Variants in BFSP1 observed in about 807,000 individuals in gnomAD.
The protein encoded by BFSP1 is beaded filament structural protein 1, also known as filensin.
A neutral mutation model predicts 43.9 loss-of-function variants in BFSP1; 38 were observed. The observed-to-expected ratio is 0.87, with a 90% CI of 0.67 to 1.14. BFSP1 has a LOEUF of 1.14. Among genes scored for constraint, BFSP1 ranks in the 50% most tolerant of loss-of-function variants. The probability of loss-of-function intolerance (pLI) is 0.00; values close to 1 mark genes in which losing one functional copy is unlikely to be tolerated. For missense variants in BFSP1, 850 were observed against 875.1 expected (o/e 0.97, Z 0.36); for synonymous variants, 352 against 354.8 (o/e 0.99, Z 0.09).
intron 1 of BFSP1, among the ~76,000 whole-genome samples, chr20:17,554,211 A>G (rs149567663): frequency 6.6e-6 from 1 of 152,270 alleles, no homozygotes; most frequent in African/African-American, 2.4e-5. Context: ...CTGGTTTCTC[A>G]GGCCAATACT....
rs758608452 is a variant in BFSP1 at position 17,494,130 on chromosome 20, T to G, written c.1942A>C (p.Thr648Pro). The G allele has an allele frequency of 1.9e-6, 3 of 1,614,006 alleles. No individual in the cohort carries two copies. The African/African-American group carries it at 4.0e-5, about 22-fold the overall frequency. Residue 648 changes from threonine to proline, a missense_variant, in exon 8 of 8, where the codon ACC becomes CCC. Thr to Pro is a conservative substitution (Grantham distance 38). Transcript: ENST00000377873. ...TCTGACTTTGTCTTTCCAATCATGG[T>G]CTCCACGATCACAGCGGTTTCTTCA... Reference protein sequence around the residue: ...TYEETAVIVETMIGKTKSDKK... With the variant: ...TYEETAVIVEPMIGKTKSDKK...
At chr20:17,504,335 AGAAG>A (rs574408940) in intron 5 of BFSP1, among the ~76,000 whole-genome samples, 299 of 152,304 alleles carry the variant, frequency 2.0e-3, no homozygotes, top group African/African-American at 6.9e-3. Context: ...ACCTTTCATC[AGAAG>A]GAAGAGTGTT....
chr20:17,531,421 G>C (rs1464516837), upstream of BFSP1: 1 of 1,251,112 alleles, frequency 8.0e-7, no homozygotes, highest in East Asian at 3.5e-5. Flanking sequence ...AACACCGGAG[G>C]CCCCCGGCGC....
chr20:17,510,036 CA>C (rs2034039342), intron 4 of BFSP1, among the ~76,000 whole-genome samples: 2 of 152,186 alleles, frequency 1.3e-5, no homozygotes, highest in Non-Finnish European at 2.9e-5. Context: ...GTGGCTGCAG[CA>C]ATGACATAGA....
intron 1 of BFSP1, among the ~76,000 whole-genome samples, chr20:17,553,624 G>T (rs1361990018): frequency 5.9e-5 from 9 of 151,588 alleles, no homozygotes; most frequent in Non-Finnish European, 1.2e-4. Context: ...AAATCATACA[G>T]AACAGAAAGA....
intron 1 of BFSP1, among the ~76,000 whole-genome samples, chr20:17,552,631 G>T (rs1007501740): frequency 1.3e-5 from 2 of 152,156 alleles, no homozygotes; most frequent in Non-Finnish European, 2.9e-5. Flanking sequence ...TTAGACCAGG[G>T]TGATAGCAAT....
chr20:17,556,225 G>A (rs1215074706), intron 1 of BFSP1, among the ~76,000 whole-genome samples: 4 of 152,068 alleles, frequency 2.6e-5, no homozygotes, highest in South Asian at 2.1e-4. Flanking sequence ...ATCATCAGCC[G>A]GGTGCAGTGG....
intron 2 of BFSP1, among the ~76,000 whole-genome samples, chr20:17,519,691 C>A (rs1281388569): frequency 6.6e-6 from 1 of 152,184 alleles, no homozygotes; most frequent in African/African-American, 2.4e-5. Flanking sequence ...TTTATAACTG[C>A]TCATAGTGAT....
At chr20:17,564,257 C>T (rs2035095819) in intron 1 of BFSP1, among the ~76,000 whole-genome samples, 1 of 151,520 alleles carries the variant, frequency 6.6e-6, no homozygotes, top group Non-Finnish European at 1.5e-5. Context: ...GTCCCAGCTA[C>T]TCAAGAGGCT....
intron 2 of BFSP1, among the ~76,000 whole-genome samples, chr20:17,521,920 C>T (rs1332306797): frequency 1.3e-5 from 2 of 152,184 alleles, no homozygotes; most frequent in African/African-American, 4.8e-5. Flanking sequence ...AACTTATCCA[C>T]CTATCCCAGT....
chr20:17,545,354 A>G (rs2034782785), intron 1 of BFSP1, among the ~76,000 whole-genome samples: 1 of 152,078 alleles, frequency 6.6e-6, no homozygotes, highest in African/African-American at 2.4e-5. Flanking sequence ...TGGTCTGGCC[A>G]GCATCAACAA....
intron 1 of BFSP1, among the ~76,000 whole-genome samples, chr20:17,549,374 G>C (rs1041607925): frequency 6.6e-6 from 1 of 152,144 alleles, no homozygotes; most frequent in African/African-American, 2.4e-5. Context: ...TCTGCTTCTG[G>C]GGAAGCCTCA....
chr20:17,567,071 C>T (rs150053063), intron 1 of BFSP1, among the ~76,000 whole-genome samples: 1 of 151,960 alleles, frequency 6.6e-6, no homozygotes, highest in Non-Finnish European at 1.5e-5. Context: ...TTTCAGCTTC[C>T]GGAGGGCATA....
At chr20:17,532,444 TTTTC>T (rs1428622309), upstream of BFSP1, among the ~76,000 whole-genome samples, 2 of 151,728 alleles carry the variant, frequency 1.3e-5, no homozygotes, top group Non-Finnish European at 2.9e-5. Flanking sequence ...AAGATTGCTT[TTTTC>T]TTTTTCTTTT....
At chr20:17,563,885 T>TAAAAA (rs998399781), upstream of BFSP1, among the ~76,000 whole-genome samples, 4 of 90,786 alleles carry the variant, frequency 4.4e-5, no homozygotes, top group African/African-American at 1.2e-4. Context: ...AGACCGTGTC[T>TAAAAA]AAAAAAAAAA....
At position 17,558,523 on chromosome 20, in the gene BFSP1, A is replaced by G. The variant is rs6044883; in HGVS notation, c.2+165T>C. The stretch of plus-strand genomic sequence containing the variant: ...TGAGTGTGTCTTATGTCAGACTACT[A>G]CTGAGCCAATATTTATCATTTTAGA... On this transcript the variant is annotated intron_variant, in intron 1 of 7. Coordinates refer to the BFSP1 transcript ENST00000377868. 0.99 allele frequency among the ~76,000 whole-genome samples: 151,568 copies of G among 152,368 alleles called. 75,390 individuals carry two copies. The highest frequency in any genetic ancestry group is 1 in the Middle Eastern group (294 of 294).
chr20:17,531,381 C>T (rs767310600), upstream of BFSP1: 3 of 1,293,436 alleles, frequency 2.3e-6, no homozygotes, highest in Non-Finnish European at 2.9e-6. Context: ...CTCCAGGAGG[C>T]CCCCGGCGCA....
intron 2 of BFSP1, among the ~76,000 whole-genome samples, chr20:17,520,764 G>A (rs758177276): frequency 2.0e-5 from 3 of 151,994 alleles, no homozygotes; most frequent in African/African-American, 4.8e-5. Context: ...TCTCTTCTCC[G>A]GAAGTTCATT....
In BFSP1 at chr20:17,509,010, G is replaced by A. The variant is rs371422573; in HGVS notation, c.628-14C>T. On this transcript the variant is annotated splice_polypyrimidine_tract_variant and intron_variant, in intron 4 of 7. Transcript: ENST00000377873. ...CAGGAGCTTCTCCTGCACAGAGAAG[G>A]CCAGAGTCAGACTCATGGGACATGC... is the stretch of plus-strand genomic sequence containing the variant. 47 of 1,539,904 alleles carry A rather than the reference G, an allele frequency of 3.1e-5. No individual in the cohort carries two copies. The highest frequency in any genetic ancestry group is 3.8e-5 in the Non-Finnish European group (43 of 1,143,400).
Sources: allele counts gnomAD v4.1 joint callset (sites outside exome capture counted in the v4.1 genomes callset), GRCh38; gene constraint gnomAD v4.1.1; transcripts MANE v1.5; gene names NCBI Gene and HGNC (gene_info 2026-07-23, HGNC 2026-07-21).